Variants in FER1L6 observed in about 807,000 individuals in gnomAD.
The protein encoded by FER1L6 is fer-1-like protein 6.
FER1L6 carries 177 observed loss-of-function variants against 219.2 expected under a neutral mutation model. That is an observed-to-expected ratio of 0.81 (90% CI 0.71 to 0.91). The LOEUF (loss-of-function observed/expected upper bound fraction) is 0.91. FER1L6 is among the 40% of genes least tolerant of loss of function. FER1L6 has a pLI of 0.00. For synonymous variants in FER1L6, 768 were observed against 824.3 expected (o/e 0.93, Z 1.17); for missense variants, 2,153 against 2,259.9 (o/e 0.95, Z 0.96).
chr8:124,006,729 G>A (rs746844360), intron 13 of FER1L6, among the ~76,000 whole-genome samples: 6 of 152,088 alleles, frequency 3.9e-5, no homozygotes, highest in Non-Finnish European at 8.8e-5. Flanking sequence ...TCCTGTATCG[G>A]GACAGCCATT....
chr8:124,081,776 G>A (rs1409282058), intron 32 of FER1L6, among the ~76,000 whole-genome samples: 13 of 152,126 alleles, frequency 8.5e-5, no homozygotes, highest in Admixed American at 8.5e-4. Context: ...CAATGGAGGG[G>A]AAGGGGAATG....
chr8:123,959,410 G>A (rs971905674), intron 2 of FER1L6, among the ~76,000 whole-genome samples: 2 of 152,204 alleles, frequency 1.3e-5, no homozygotes, highest in Admixed American at 6.5e-5. Flanking sequence ...AGGGGAGCAG[G>A]TATTTTATCT....
chr8:123,945,482 A>G (rs997086301), intron 1 of FER1L6, among the ~76,000 whole-genome samples: 2 of 152,232 alleles, frequency 1.3e-5, no homozygotes, highest in African/African-American at 2.4e-5. Flanking sequence ...CTTCAAAGTT[A>G]TGTTTGATTT....
At chr8:123,934,555 A>G (rs1813908941) in intron 1 of FER1L6, among the ~76,000 whole-genome samples, 1 of 151,280 alleles carries the variant, frequency 6.6e-6, no homozygotes. Context: ...TTCCTAGAGA[A>G]GCACTTGGAT....
At chr8:124,086,666 C>T (rs1453192251) in intron 33 of FER1L6, among the ~76,000 whole-genome samples, 2 of 152,102 alleles carry the variant, frequency 1.3e-5, no homozygotes, top group Non-Finnish European at 2.9e-5. Context: ...TTTCTGTGTA[C>T]TTACTGTTAC....
At chr8:123,877,915 T>C (rs971751177) in intron 1 of FER1L6, among the ~76,000 whole-genome samples, 1 of 152,116 alleles carries the variant, frequency 6.6e-6, no homozygotes, top group Non-Finnish European at 1.5e-5. Flanking sequence ...CGATTTATCG[T>C]TCTAAATACA....
At chr8:124,113,070 T>C (rs1823087096) in intron 39 of FER1L6, among the ~76,000 whole-genome samples, 1 of 152,226 alleles carries the variant, frequency 6.6e-6, no homozygotes, top group Non-Finnish European at 1.5e-5. Flanking sequence ...CCTCTTCATT[T>C]TGTTCCACTC....
intron 35 of FER1L6, among the ~76,000 whole-genome samples, chr8:124,095,486 T>C (rs1036106614): frequency 6.6e-6 from 1 of 152,174 alleles, no homozygotes; most frequent in Non-Finnish European, 1.5e-5. Context: ...AACACACAAT[T>C]TTCCCAGAGA....
At chr8:123,934,915 A>G (rs569570990) in intron 1 of FER1L6, among the ~76,000 whole-genome samples, 1 of 152,112 alleles carries the variant, frequency 6.6e-6, no homozygotes, top group Non-Finnish European at 1.5e-5. Flanking sequence ...CCATGGTAAG[A>G]TGTGCTTGCT....
At chr8:123,869,299 G>A (rs79794369) in intron 1 of FER1L6, among the ~76,000 whole-genome samples, 4,212 of 152,162 alleles carry the variant, frequency 0.028, 196 homozygotes, top group African/African-American at 0.096. Flanking sequence ...CCATTGCCTC[G>A]TATAGGTGAC....
chr8:124,051,782 C>G (rs1335172560), intron 22 of FER1L6, among the ~76,000 whole-genome samples: 1 of 152,140 alleles, frequency 6.6e-6, no homozygotes, highest in Non-Finnish European at 1.5e-5. Flanking sequence ...CAGACCCTGC[C>G]CAGGTCTACA....
At chr8:124,114,895 G>GTATATATATATATATA (rs71289637) in intron 39 of FER1L6, among the ~76,000 whole-genome samples, 2 of 90,048 alleles carry the variant, frequency 2.2e-5, no homozygotes, top group Non-Finnish European at 4.5e-5. Context: ...GTGTGTGTGC[G>GTATATATATATATATA]TATATATATA....
intron 31 of FER1L6, 46 bp downstream of exon 31, chr8:124,071,677 G>A (rs775856585): frequency 1.9e-6 from 3 of 1,579,680 alleles, no homozygotes; most frequent in East Asian, 4.5e-5. Context: ...TATCTGCTCA[G>A]GCTGCCATAA....
At chr8:123,956,140 C>A in intron 2 of FER1L6, 66 bp downstream of exon 2, 1 of 1,396,448 alleles carries the variant, frequency 7.2e-7, no homozygotes, top group Non-Finnish European at 1.0e-6. Context: ...CCCTCCGTGG[C>A]TGAAAATGCA....
chr8:124,097,991 G>C, intron 37 of FER1L6, 108 bp downstream of exon 37: 1 of 578,984 alleles, frequency 1.7e-6, no homozygotes, highest in Non-Finnish European at 3.1e-6. Context: ...AGCCCACAAA[G>C]TGAGCCATCT....
At chr8:123,854,258 T>G (rs780815986) in intron 1 of FER1L6, among the ~76,000 whole-genome samples, 2 of 152,070 alleles carry the variant, frequency 1.3e-5, no homozygotes, top group Non-Finnish European at 2.9e-5. Flanking sequence ...GAGAAAAAAA[T>G]ATTACCTGCA....
chr8:124,083,168 CTCTCTTAG>C (rs1461440817), intron 33 of FER1L6, among the ~76,000 whole-genome samples: 6 of 6,448 alleles, frequency 9.3e-4, no homozygotes, highest in Non-Finnish European at 4.0e-3. Context: ...TCAAATTATA[CTCTCTTAG>C]TTATTTTAAA....
At chr8:123,959,563 C>A (rs949798182) in intron 2 of FER1L6, among the ~76,000 whole-genome samples, 1 of 152,228 alleles carries the variant, frequency 6.6e-6, no homozygotes, top group East Asian at 1.9e-4. Flanking sequence ...TACTGAGCAC[C>A]TACAAGGCCT....
chr8:124,060,197 G>A lies in FER1L6; in HGVS notation c.2892G>A (p.Leu964=), dbSNP rs915834760. The A allele has an allele frequency of 3.1e-6, 5 of 1,614,042 alleles. No individual in the cohort carries two copies. Among genetic ancestry groups the A allele is most frequent in the Non-Finnish European group, 2.5e-6 (3 of 1,179,966 alleles). The stretch of plus-strand genomic sequence containing the variant: ...TGCGGTAGGTTCCTCCTTCTGGGCT[G>A]CAAGGCCTCCCACCCGTTGAGCCAC... ...FELLQVPPSG[L]QGLPPVEPPD... The change falls in exon 23 of 41, where the codon CTG becomes CTA. Residue 964 remains leucine, a synonymous_variant. Coordinates refer to ENST00000522917, the MANE Select transcript of FER1L6 (RefSeq NM_001039112.2).
Sources: gnomAD v4.1 joint callset for allele counts (sites outside exome capture counted in the v4.1 genomes callset) on GRCh38, gnomAD v4.1.1 for gene constraint, MANE v1.5 for transcripts, NCBI Gene and HGNC (gene_info 2026-07-23, HGNC 2026-07-21) for gene names.